Variants in ARHGEF15 observed in about 807,000 individuals in gnomAD.
ARHGEF15 encodes the protein Rho guanine nucleotide exchange factor (GEF) 15.
Under a neutral mutation model 79.7 loss-of-function variants are expected in ARHGEF15, and 58 were observed. The ratio of observed to expected loss-of-function variants is 0.73; its 90% CI spans 0.59 to 0.91. The LOEUF is 0.91. ARHGEF15 is among the 40% of genes least tolerant of loss of function. ARHGEF15 has a pLI of 0.00. For missense variants in ARHGEF15, 1,012 were observed against 1,108.1 expected, an observed-to-expected ratio of 0.91 and a Z score of 1.23; for synonymous variants, 442 against 456.0, an observed-to-expected ratio of 0.97 and a Z score of 0.39.
At chr17:8,316,891 T>G (rs1567677902) in intron 9 of ARHGEF15, among the ~76,000 whole-genome samples, 1 of 152,184 alleles carries the variant, frequency 6.6e-6, no homozygotes, top group East Asian at 1.9e-4. Context: ...CAAGCGATTC[T>G]CCTGCCTCAG....
chr17:8,312,180 C>A lies in ARHGEF15; in HGVS notation c.141C>A (p.Pro47=). The A allele has an allele frequency of 6.2e-7, 1 of 1,610,554 alleles. No individual in the cohort carries two copies. Residue 47 remains proline (P), a synonymous_variant, in exon 2 of 16, where the codon CCC becomes CCA. Coordinates refer to ENST00000361926, the MANE Select transcript of ARHGEF15 (RefSeq NM_173728.4). ...ATGGCTCCTCTCCACAAGAACTACC[C>A]CGAAACTCCAATGATGCACCAACCC... is the stretch of plus-strand genomic sequence containing the variant. ...PHNGSSPQEL[P]RNSNDAPTPM...
rs763441583 is a variant in ARHGEF15 at position 8,315,458 on chromosome 17, C to T, written c.1305C>T (p.Ser435=). The change falls in exon 7 of 16, where the codon TCC becomes TCT. Residue 435 remains serine, a synonymous_variant. Transcript: ENST00000361926. This position sits in a 1 kb window ranked among gnomAD's most constrained non-coding sequence, Gnocchi z 4.3. The part of the protein sequence containing the change: ...VVTSEASYLR[S]LRLLTDTFVL... ...CGTCCGAGGCTTCCTACCTGCGCTC[C>T]CTGCGGCTGCTGACCGACACCTTCG... The T allele has an allele frequency of 2.5e-6, 4 of 1,613,950 alleles. No individual in the cohort carries two copies. The South Asian group carries it at 3.3e-5, about 13-fold the overall frequency.
rs1447427000 is a variant in ARHGEF15 at position 8,322,353 on chromosome 17, C to T, written c.*1360C>T. On this transcript the variant is annotated 3_prime_UTR_variant, in exon 16 of 16. Coordinates refer to ENST00000361926, the MANE Select transcript of ARHGEF15 (RefSeq NM_173728.4). ...TTCAGCTCAGGCACAGCAACTTGCCCAGGACTGACACTGTCACCCTGACTG... is the reference window on the plus strand; with the variant it reads ...TTCAGCTCAGGCACAGCAACTTGCCTAGGACTGACACTGTCACCCTGACTG... 1 of 152,360 alleles carries T rather than the reference C, an allele frequency of 6.6e-6. No homozygotes were observed. The highest frequency in any genetic ancestry group is 1.9e-4 in the East Asian group (1 of 5,204). The allele number at this position is 152,360 out of a possible 1,614,324, so 9.4% of individuals were successfully genotyped here.
chr17:8,314,263 ATTG>A (rs1433788262), intron 4 of ARHGEF15, among the ~76,000 whole-genome samples: 1 of 152,136 alleles, frequency 6.6e-6, no homozygotes, highest in Non-Finnish European at 1.5e-5. Context: ...GCTATCCAGG[ATTG>A]TTAATTATCT....
chr17:8,319,834 C>T (rs759692284), intron 15 of ARHGEF15, among the ~76,000 whole-genome samples: 2 of 152,084 alleles, frequency 1.3e-5, no homozygotes, highest in Non-Finnish European at 2.9e-5. Flanking sequence ...TGGGGTTTCA[C>T]CATGTTGGCC....
chr17:8,312,676 A>G, intron 2 of ARHGEF15, 36 bp downstream of exon 2: 2 of 1,610,770 alleles, frequency 1.2e-6, no homozygotes, highest in Non-Finnish European at 1.7e-6. Flanking sequence ...GGGTGACCTC[A>G]ATCCACCCAT....
In ARHGEF15 at chr17:8,312,919, C is replaced by T; in HGVS notation, c.602-3C>T. On this transcript the variant is annotated splice_region_variant and splice_polypyrimidine_tract_variant and intron_variant, in intron 2 of 15. Coordinates refer to ENST00000361926, the MANE Select transcript of ARHGEF15 (RefSeq NM_173728.4). ...TTCTCCTTAGGCTACCTGTCTCCCACAGATGCTGGCCTGGCCTGCCCTCCC... is the reference window on the plus strand; with the variant it reads ...TTCTCCTTAGGCTACCTGTCTCCCATAGATGCTGGCCTGGCCTGCCCTCCC... 2 of 1,570,466 alleles carry T rather than the reference C, an allele frequency of 1.3e-6. No individual in the cohort carries two copies. Among genetic ancestry groups the T allele is most frequent in the African/African-American group, 1.3e-5 (1 of 74,360 alleles).
chr17:8,316,167 G>C lies in ARHGEF15; in HGVS notation c.1704+19G>C. 1 of 1,596,222 alleles carries C rather than the reference G, an allele frequency of 6.3e-7. No homozygotes were observed. Among genetic ancestry groups the C allele is most frequent in the Non-Finnish European group, 8.5e-7 (1 of 1,177,582 alleles). ...GCTGCAGGTACCTGTCCCAGCTGCG[G>C]CCGTTTCTGCCCCACCAACCCCATC... On this transcript the variant is annotated intron_variant, in intron 9 of 15. Coordinates refer to ENST00000361926, the MANE Select transcript of ARHGEF15 (RefSeq NM_173728.4).
At position 8,321,821 on chromosome 17, in the gene ARHGEF15, T is replaced by C; in HGVS notation, c.*828T>C. 6.6e-6 allele frequency: 1 copy of C among 152,208 alleles called. No homozygotes were observed. The highest frequency in any genetic ancestry group is 1.9e-4 in the East Asian group (1 of 5,182). 9.4% of individuals were successfully genotyped at this position (152,208 alleles called of 1,614,324 possible). ...ATGAGAGCCCTGAGCTTTGGGTCTC[T>C]TGGAGGCTAGGGTTCTGTGGCAGTT... is the stretch of plus-strand genomic sequence containing the variant. On this transcript the variant is annotated 3_prime_UTR_variant, in exon 16 of 16. Transcript: ENST00000361926.
intron 1 of ARHGEF15, among the ~76,000 whole-genome samples, chr17:8,311,521 A>C (rs1904612557): frequency 6.6e-6 from 1 of 151,952 alleles, no homozygotes; most frequent in Non-Finnish European, 1.5e-5. Flanking sequence ...TGGGGGGCGG[A>C]GGGCCAGTGG....
At chr17:8,310,437 G>T (rs1415397853) in intron 1 of ARHGEF15, 94 bp downstream of exon 1, 1 of 152,216 alleles carries the variant, frequency 6.6e-6, no homozygotes, top group African/African-American at 2.4e-5. Flanking sequence ...CCCGGCTCAG[G>T]AGACAGGTGG....
intron 15 of ARHGEF15, among the ~76,000 whole-genome samples, chr17:8,320,555 GGCAGGGATGGGATCAC>G (rs780779898): frequency 6.4e-4 from 98 of 152,156 alleles, no homozygotes; most frequent in Non-Finnish European, 1.2e-3. Context: ...TCATAGAAGT[GGCAGGGATGGGATCAC>G]GCAGGACCTG....
chr17:8,313,514 T>C lies in ARHGEF15; in HGVS notation c.948T>C (p.Asp316=). ...EDGIQTGDSP[D]EAPQNTPPAT... ...TTCTCTCTCCAGGGGACAGTCCTGA[T>C]GAAGCTCCTCAGAATACTCCTCCAG... The change falls in exon 4 of 16, where the codon GAT becomes GAC. Residue 316 remains aspartate (D), a synonymous_variant. Transcript: ENST00000361926. 4 of 1,613,508 alleles carry C rather than the reference T, an allele frequency of 2.5e-6. No individual in the cohort carries two copies. The highest frequency in any genetic ancestry group is 3.4e-6 in the Non-Finnish European group (4 of 1,179,884).
Position 8,319,585 on chromosome 17 carries a change from C to T in ARHGEF15, c.2356C>T (p.Leu786=), listed in dbSNP as rs747082972. Residue 786 remains leucine (L), a synonymous_variant, in exon 15 of 16, where the codon CTG becomes TTG. Transcript: ENST00000361926. ...SLESRAAPKH[L]HKTPEGWLKG... is the part of the protein sequence containing the mutation. The stretch of plus-strand genomic sequence containing the variant: ...GGAGTCCAGGGCTGCCCCCAAACAC[C>T]TGCACAAGACCCCTGAAGGTGAGAA... 10 of 1,588,060 alleles carry T rather than the reference C, an allele frequency of 6.3e-6. No homozygotes were observed. The African/African-American group carries it at 1.2e-4, about 20-fold the overall frequency.
In ARHGEF15 at chr17:8,316,159, C is replaced by G. The variant is rs770098237; in HGVS notation, c.1704+11C>G. 2 of 1,599,862 alleles carry G rather than the reference C, an allele frequency of 1.3e-6. No homozygotes were observed. Among genetic ancestry groups the G allele is most frequent in the Admixed American group, 3.4e-5 (2 of 59,596 alleles). ...CGCATGCTGCTGCAGGTACCTGTCC[C>G]AGCTGCGGCCGTTTCTGCCCCACCA... On this transcript the variant is annotated intron_variant, in intron 9 of 15. Coordinates refer to ENST00000361926, the MANE Select transcript of ARHGEF15 (RefSeq NM_173728.4).
chr17:8,316,343 C>A (rs1174269309), intron 9 of ARHGEF15, among the ~76,000 whole-genome samples, 195 bp downstream of exon 9: 1 of 152,248 alleles, frequency 6.6e-6, no homozygotes, highest in African/African-American at 2.4e-5. Context: ...TGCTCTTCCC[C>A]TTACCTGGAC....
intron 9 of ARHGEF15, 45 bp downstream of exon 9, chr17:8,316,193 G>T (rs1337085931): frequency 6.3e-7 from 1 of 1,587,504 alleles, no homozygotes. Context: ...CAACCCCATC[G>T]GAGAACTCTC....
chr17:8,316,735 C>T (rs1217765111), intron 9 of ARHGEF15, among the ~76,000 whole-genome samples: 3 of 151,938 alleles, frequency 2.0e-5, no homozygotes, highest in Non-Finnish European at 2.9e-5. Flanking sequence ...TGGGGTGATA[C>T]GGGGGAAAAA....
rs765146691 is a variant in ARHGEF15, at chr17:8,321,036, T to C, written c.*43T>C. On this transcript the variant is annotated 3_prime_UTR_variant, in exon 16 of 16. Transcript: ENST00000361926. ...GCACATGTTGGGAGACACCTACCAGTGTGGCACGGAGAGAACAAAGCCCAT... is the reference window on the plus strand; with the variant it reads ...GCACATGTTGGGAGACACCTACCAGCGTGGCACGGAGAGAACAAAGCCCAT... 17 of 1,611,788 alleles carry C rather than the reference T, an allele frequency of 1.1e-5. No homozygotes were observed. Among genetic ancestry groups the C allele is most frequent in the Admixed American group, 1.7e-5 (1 of 59,926 alleles).
Sources: gnomAD v4.1 joint callset for allele counts (sites outside exome capture counted in the v4.1 genomes callset) on GRCh38, gnomAD v4.1.1 for gene constraint, Gnocchi (gnomAD v3.1) non-coding constraint, MANE v1.5 for transcripts, NCBI Gene and HGNC (gene_info 2026-07-23, HGNC 2026-07-21) for gene names.